Variants in CCDC33 observed in about 807,000 individuals in gnomAD.
CCDC33 encodes the protein coiled-coil domain-containing protein 33.
In CCDC33, 94 loss-of-function variants were observed where a neutral mutation model predicts 91.9. That is an observed-to-expected ratio of 1.02 (90% CI 0.87 to 1.21). The LOEUF (loss-of-function observed/expected upper bound fraction) is 1.21, where lower values mean the gene tolerates loss of function less well. CCDC33 is among the 50% of genes most tolerant of loss of function. CCDC33 has a pLI of 0.00. For missense variants in CCDC33, 940 were observed against 935.5 expected, an observed-to-expected ratio of 1.00 and a Z score of -0.06; for synonymous variants, 396 against 374.5, an observed-to-expected ratio of 1.06 and a Z score of -0.66.
intron 2 of CCDC33, chr15:74,221,219 T>G (rs1356537227): frequency 6.9e-6 from 3 of 436,056 alleles, no homozygotes; most frequent in Middle Eastern, 8.4e-4. Flanking sequence ...GGCACTGGTT[T>G]TTTTTTTTTT....
At chr15:74,284,038 A>C (rs1043682119) in intron 10 of CCDC33, among the ~76,000 whole-genome samples, 1 of 152,214 alleles carries the variant, frequency 6.6e-6, no homozygotes, top group Admixed American at 6.5e-5. Context: ...TTGGTAAACT[A>C]TCTGAGAATT....
intron 11 of CCDC33, among the ~76,000 whole-genome samples, chr15:74,326,983 C>T (rs2060322887): frequency 6.6e-6 from 1 of 152,186 alleles, no homozygotes; most frequent in Non-Finnish European, 1.5e-5. Context: ...CCTCCCAGAC[C>T]AGCTGTGCTG....
chr15:74,257,860 C>T (rs1400824099), intron 2 of CCDC33, among the ~76,000 whole-genome samples: 1 of 152,210 alleles, frequency 6.6e-6, no homozygotes, highest in Non-Finnish European at 1.5e-5. Context: ...GGGAAGAGGT[C>T]ACTGGGTTTT....
At chr15:74,288,690 G>A (rs2059525556) in intron 10 of CCDC33, among the ~76,000 whole-genome samples, 1 of 152,140 alleles carries the variant, frequency 6.6e-6, no homozygotes, top group Non-Finnish European at 1.5e-5. Flanking sequence ...CTAAGCTTGA[G>A]ATCATTCTGG....
At chr15:74,324,856 C>A (rs1469856807) in intron 11 of CCDC33, among the ~76,000 whole-genome samples, 2 of 149,054 alleles carry the variant, frequency 1.3e-5, no homozygotes, top group Admixed American at 1.3e-4. Flanking sequence ...CCCAGCTCCT[C>A]CTCTCCTCAT....
chr15:74,237,915 G>A (rs1460459244), intron 1 of CCDC33, among the ~76,000 whole-genome samples: 1 of 152,242 alleles, frequency 6.6e-6, no homozygotes, highest in African/African-American at 2.4e-5. Context: ...GCGAGGCCGA[G>A]GCAGGAGTTT....
At chr15:74,254,681 C>A (rs2075805504) in intron 2 of CCDC33, among the ~76,000 whole-genome samples, 1 of 152,168 alleles carries the variant, frequency 6.6e-6, no homozygotes, top group Admixed American at 6.6e-5. Flanking sequence ...TGTCCCAGTA[C>A]CCTGCGAATG....
chr15:74,335,443 T>C, intron 18 of CCDC33: 1 of 526,578 alleles, frequency 1.9e-6, no homozygotes. Context: ...CTTGTGGCCC[T>C]ACCCCCCTGA....
At chr15:74,252,613 T>G (rs1296098266) in intron 2 of CCDC33, among the ~76,000 whole-genome samples, 1 of 152,084 alleles carries the variant, frequency 6.6e-6, no homozygotes, top group African/African-American at 2.4e-5. Context: ...GTGTCTGAGG[T>G]CACATGGCTG....
intron 2 of CCDC33, among the ~76,000 whole-genome samples, chr15:74,229,545 C>T (rs1566952235): frequency 6.6e-6 from 1 of 152,188 alleles, no homozygotes. Context: ...GCACCTACCT[C>T]ATATGTCATT....
chr15:74,274,177 C>G (rs2076392908), intron 7 of CCDC33, among the ~76,000 whole-genome samples: 2 of 152,226 alleles, frequency 1.3e-5, no homozygotes, highest in Non-Finnish European at 2.9e-5. Context: ...AGGTTGGACA[C>G]AGCAATAGCA....
In CCDC33 at chr15:74,250,987, C is replaced by T. The variant is rs143977107; in HGVS notation, c.185+6839C>T. Among the ~76,000 whole-genome samples, 580 of 152,296 alleles carry T rather than the reference C, an allele frequency of 3.8e-3. 1 individual carries two copies. The highest frequency in any genetic ancestry group is 0.013 in the African/African-American group (558 of 41,550). On this transcript the variant is annotated intron_variant, in intron 2 of 18. Transcript: ENST00000398814. ...GACCTATCATAAGAAAGCCACAGGA[C>T]AGTGGAAAGAAGCCAGGCTGGGTAC...
chr15:74,257,946 G>C (rs919638889), intron 2 of CCDC33, among the ~76,000 whole-genome samples: 4 of 152,174 alleles, frequency 2.6e-5, no homozygotes, highest in African/African-American at 9.7e-5. Context: ...TCTGGAGGAT[G>C]GGGGAGGCAG....
In CCDC33 at chr15:74,262,729, G is replaced by A. The variant is rs1224805873; in HGVS notation, c.319+156G>A. Reference sequence around the variant, plus strand: ...AGCACTTAGAAAAAATCATAATACTGTCACGCCTCATCTCCCCATCCTGCT... The same window carrying A: ...AGCACTTAGAAAAAATCATAATACTATCACGCCTCATCTCCCCATCCTGCT... On this transcript the variant is annotated intron_variant, in intron 3 of 18. Coordinates refer to ENST00000398814, the MANE Select transcript of CCDC33 (RefSeq NM_025055.5). 2.0e-5 allele frequency among the ~76,000 whole-genome samples: 3 copies of A among 152,290 alleles called. No individual in the cohort carries two copies. The East Asian group carries it at 5.8e-4, about 29-fold the overall frequency.
At chr15:74,227,524 C>T (rs1287691955) in intron 2 of CCDC33, among the ~76,000 whole-genome samples, 2 of 152,168 alleles carry the variant, frequency 1.3e-5, no homozygotes, top group African/African-American at 4.8e-5. Context: ...TCATTTATTG[C>T]ACTGAATGGT....
chr15:74,294,931 A>G (rs888003383), intron 10 of CCDC33, among the ~76,000 whole-genome samples: 1 of 152,146 alleles, frequency 6.6e-6, no homozygotes, highest in East Asian at 1.9e-4. Context: ...TAGACATATG[A>G]CAGTGATAAT....
chr15:74,286,565 C>G (rs2059478743), intron 10 of CCDC33, among the ~76,000 whole-genome samples: 1 of 152,184 alleles, frequency 6.6e-6, no homozygotes, highest in Non-Finnish European at 1.5e-5. Flanking sequence ...AGTAGGTGCT[C>G]ACTGCATCAG....
At chr15:74,231,616 G>C (rs1350960931), upstream of CCDC33, among the ~76,000 whole-genome samples, 1 of 152,206 alleles carries the variant, frequency 6.6e-6, no homozygotes, top group Non-Finnish European at 1.5e-5. Flanking sequence ...TAATGATCTC[G>C]GACTTTGGAG....
chr15:74,305,245 C>T (rs2059872408), intron 11 of CCDC33, among the ~76,000 whole-genome samples: 5 of 152,202 alleles, frequency 3.3e-5, no homozygotes, highest in Admixed American at 3.3e-4. Context: ...CCACGCCTGG[C>T]CTAAACCTGC....
Sources: allele counts gnomAD v4.1 joint callset (sites outside exome capture counted in the v4.1 genomes callset), GRCh38; gene constraint gnomAD v4.1.1; transcripts MANE v1.5; gene names NCBI Gene and HGNC (gene_info 2026-07-23, HGNC 2026-07-21).